The following MACO1 variants were observed in gnomAD, a reference collection of about 807,000 sequenced individuals.
The protein encoded by MACO1 is macoilin 1, also known as macoilin.
A neutral mutation model predicts 78.7 loss-of-function variants in MACO1; 14 were observed. That is an observed-to-expected ratio of 0.18 (90% CI 0.12 to 0.28). The LOEUF (loss-of-function observed/expected upper bound fraction) is 0.28. MACO1 is among the 10% of genes least tolerant of loss of function. The probability of loss-of-function intolerance (pLI) is 1.00; values close to 1 mark genes in which losing one functional copy is unlikely to be tolerated. For synonymous variants in MACO1, 288 were observed against 291.6 expected (o/e 0.99, Z 0.12); for missense variants, 501 against 799.0 (o/e 0.63, Z 4.50).
At chr1:25,455,305 C>T (rs2043109683) in intron 4 of MACO1, among the ~76,000 whole-genome samples, 1 of 151,824 alleles carries the variant, frequency 6.6e-6, no homozygotes, top group Non-Finnish European at 1.5e-5. Flanking sequence ...GAAAAATGAG[C>T]TTGGTTCTTA....
chr1:25,498,201 C>T, intron 10 of MACO1, 63 bp from the exon 11 acceptor site: 1 of 1,569,786 alleles, frequency 6.4e-7, no homozygotes, highest in Non-Finnish European at 8.7e-7. Context: ...GGGATTGGCC[C>T]CTGGGGACAT....
At chr1:25,477,683 T>G (rs2043334245) in intron 6 of MACO1, among the ~76,000 whole-genome samples, 1 of 152,200 alleles carries the variant, frequency 6.6e-6, no homozygotes, top group Admixed American at 6.5e-5. Flanking sequence ...TTATAAGACT[T>G]GATTCCTGGG....
chr1:25,447,574 T>A (rs2043027236), intron 2 of MACO1, among the ~76,000 whole-genome samples: 2 of 152,194 alleles, frequency 1.3e-5, no homozygotes, highest in Admixed American at 1.3e-4. Context: ...TAAATCTCTT[T>A]AATATTTGGC....
rs370067276 is a variant in MACO1 at position 25,433,026 on chromosome 1, G to A, written c.80+1848G>A. On this transcript the variant is annotated intron_variant, in intron 1 of 10. Coordinates refer to ENST00000374343, the MANE Select transcript of MACO1 (RefSeq NM_018202.6). ...AATTTTCTTACCCTAAAGGTTAATT[G>A]TAAATACTCTTTGCAAGTTATTCAG... Among the ~76,000 whole-genome samples, 9 of 152,262 alleles carry A rather than the reference G, an allele frequency of 5.9e-5. No individual in the cohort carries two copies. The South Asian group carries it at 1.9e-3, about 32-fold the overall frequency.
At chr1:25,457,228 C>T (rs561665255) in intron 5 of MACO1, among the ~76,000 whole-genome samples, 2 of 152,016 alleles carry the variant, frequency 1.3e-5, no homozygotes, top group Non-Finnish European at 2.9e-5. Context: ...TCCTCAGCCT[C>T]CTGAGCAGCT....
intron 6 of MACO1, among the ~76,000 whole-genome samples, chr1:25,478,494 A>G (rs895040959): frequency 6.6e-6 from 1 of 152,230 alleles, no homozygotes; most frequent in Non-Finnish European, 1.5e-5. Flanking sequence ...AAGGTGAGAT[A>G]TAGTTAAGGT....
At chr1:25,465,663 A>G (rs898606189) in intron 6 of MACO1, among the ~76,000 whole-genome samples, 1 of 152,114 alleles carries the variant, frequency 6.6e-6, no homozygotes, top group Non-Finnish European at 1.5e-5. Context: ...TACAAGTGCA[A>G]TTTTGTTACA....
In MACO1 at chr1:25,484,284, C is replaced by T; in HGVS notation, c.1313+10C>T. 6.3e-7 allele frequency: 1 copy of T among 1,580,242 alleles called. No homozygotes were observed. The highest frequency in any genetic ancestry group is 8.6e-7 in the Non-Finnish European group (1 of 1,165,996). Reference sequence around the variant, plus strand: ...AGCTGCTGCAGAACAAGTACGTGCACCTTTCAGGCCTTTGGCCGTAAGCCC... The same window carrying T: ...AGCTGCTGCAGAACAAGTACGTGCATCTTTCAGGCCTTTGGCCGTAAGCCC... On this transcript the variant is annotated intron_variant, in intron 7 of 10. Coordinates refer to ENST00000374343, the MANE Select transcript of MACO1 (RefSeq NM_018202.6).
chr1:25,469,940 A>G (rs753704766), intron 6 of MACO1, among the ~76,000 whole-genome samples: 4 of 152,136 alleles, frequency 2.6e-5, no homozygotes, highest in Admixed American at 6.6e-5. Flanking sequence ...TCTGACTTTT[A>G]TAAGACTCCT....
chr1:25,452,840 G>A (rs554513730), intron 3 of MACO1, among the ~76,000 whole-genome samples: 1 of 151,682 alleles, frequency 6.6e-6, no homozygotes, highest in South Asian at 2.1e-4. Flanking sequence ...GGAATTACAG[G>A]TGTGCACCAC....
At chr1:25,496,732 C>T (rs2043540621) in intron 10 of MACO1, among the ~76,000 whole-genome samples, 1 of 151,940 alleles carries the variant, frequency 6.6e-6, no homozygotes, top group African/African-American at 2.4e-5. Flanking sequence ...CAGTGTCTGC[C>T]CTCATGGAAC....
chr1:25,454,151 G>T, intron 3 of MACO1, 108 bp from the exon 4 acceptor site: 1 of 1,270,750 alleles, frequency 7.9e-7, no homozygotes, highest in Non-Finnish European at 1.0e-6. Flanking sequence ...TTTAGTTTAG[G>T]TGAAGGTCTT....
In MACO1 at chr1:25,472,392, G is replaced by A. The variant is rs547460942; in HGVS notation, c.1155-11724G>A. 5.1e-3 allele frequency among the ~76,000 whole-genome samples: 765 copies of A among 150,948 alleles called. 8 individuals carry two copies. Among genetic ancestry groups the A allele is most frequent in the African/African-American group, 0.018 (737 of 40,958 alleles). On this transcript the variant is annotated intron_variant, in intron 6 of 10. Transcript: ENST00000374343. ...CCCCCACCCCTCAACAGGCCCCGGT[G>A]TGTGATGTTCCCCTCCCTGTGTTCA...
intron 2 of MACO1, among the ~76,000 whole-genome samples, chr1:25,447,763 C>G (rs2043028959): frequency 6.6e-6 from 1 of 152,268 alleles, no homozygotes; most frequent in South Asian, 2.1e-4. Context: ...GGAGGGATCT[C>G]AAAGACACCC....
In MACO1 at chr1:25,431,034, C is replaced by CGGCGGCGGCAGCTGAGGTGAGA; in HGVS notation, c.-63_-42dup. ...CCAGGCCCGACGCGGGGCGGGCCAG[C>CGGCGGCGGCAGCTGAGGTGAGA]GGCGGCGGCAGCTGAGGTGAGAGAC... On this transcript the variant is annotated 5_prime_UTR_variant, in exon 1 of 11. Transcript: ENST00000374343. The CGGCGGCGGCAGCTGAGGTGAGA allele has an allele frequency of 2.9e-6, 4 of 1,393,462 alleles. No homozygotes were observed. Among genetic ancestry groups the CGGCGGCGGCAGCTGAGGTGAGA allele is most frequent in the Non-Finnish European group, 3.9e-6 (4 of 1,031,182 alleles). The allele number at this position is 1,393,462 out of a possible 1,614,324, so 86.3% of individuals were successfully genotyped here. A position where few individuals can be genotyped will look rare whatever the true frequency, so the allele number is the denominator to read the frequency against.
chr1:25,443,539 G>A (rs1312237019), intron 1 of MACO1, among the ~76,000 whole-genome samples: 3 of 152,264 alleles, frequency 2.0e-5, no homozygotes, highest in East Asian at 3.9e-4. Context: ...GAAAGCAGTT[G>A]TTTGAAAAGA....
At chr1:25,432,455 A>G (rs1353457993) in intron 1 of MACO1, among the ~76,000 whole-genome samples, 1 of 152,254 alleles carries the variant, frequency 6.6e-6, no homozygotes, top group African/African-American at 2.4e-5. Flanking sequence ...TTCATCAGTT[A>G]TATATACTAT....
At position 25,454,350 on chromosome 1, in the gene MACO1, T is replaced by G; in HGVS notation, c.441T>G (p.His147Gln). Residue 147 changes from histidine (H) to glutamine (Q), a missense_variant, in exon 4 of 11, where the codon CAT (histidine) becomes CAG (glutamine). Physicochemically the swap from His to Gln is conservative, Grantham distance 24 (BLOSUM62 0). Coordinates refer to ENST00000374343, the MANE Select transcript of MACO1 (RefSeq NM_018202.6). Reference protein sequence around the residue: ...AIRFKDLKNFHVDLCRPFAAH... With the variant: ...AIRFKDLKNFQVDLCRPFAAH... ...GATTTAAAGATCTCAAAAACTTTCATGTAGACCTTTGTCGTCCATTTGCTG... is the reference window on the plus strand; with the variant it reads ...GATTTAAAGATCTCAAAAACTTTCAGGTAGACCTTTGTCGTCCATTTGCTG... The G allele has an allele frequency of 6.2e-7, 1 of 1,611,320 alleles. No individual in the cohort carries two copies. The highest frequency in any genetic ancestry group is 8.5e-7 in the Non-Finnish European group (1 of 1,179,046).
chr1:25,431,412 G>A (rs1336006133), intron 1 of MACO1, among the ~76,000 whole-genome samples: 1 of 148,056 alleles, frequency 6.8e-6, no homozygotes, highest in Non-Finnish European at 1.5e-5. Context: ...CGCTGGCTGA[G>A]GGAGCCGCCG....
Sources: gnomAD v4.1 joint callset for allele counts (sites outside exome capture counted in the v4.1 genomes callset) on GRCh38, gnomAD v4.1.1 for gene constraint, MANE v1.5 for transcripts, NCBI Gene and HGNC (gene_info 2026-07-23, HGNC 2026-07-21) for gene names.